SVIL: variants seen among roughly 807,000 people sequenced by gnomAD.
SVIL encodes the protein supervillin.
A neutral mutation model predicts 240.4 loss-of-function variants in SVIL; 101 were observed. That is an observed-to-expected ratio of 0.42 (90% confidence interval 0.36 to 0.50). The LOEUF (loss-of-function observed/expected upper bound fraction) is 0.50, where lower values mean the gene tolerates loss of function less well. SVIL is among the 20% of genes least tolerant of loss of function. SVIL has a pLI of 0.01. For missense variants in SVIL, 2,512 were observed against 2,818.7 expected (o/e 0.89, Z 2.46); for synonymous variants, 999 against 1,100.0 (o/e 0.91, Z 1.82).
intron 30 of SVIL, 75 bp downstream of exon 30, chr10:29,473,763 C>T (rs1945851411): frequency 1.3e-6 from 2 of 1,593,460 alleles, no homozygotes. Flanking sequence ...TGGGAGGGAC[C>T]AGGCCGAGTG....
intron 7 of SVIL, among the ~76,000 whole-genome samples, chr10:29,534,738 C>A (rs1213094561): frequency 6.6e-6 from 1 of 152,160 alleles, no homozygotes; most frequent in Non-Finnish European, 1.5e-5. Flanking sequence ...CCTTAGTAAG[C>A]CTCAGTTGCT....
At chr10:29,568,178 C>G (rs1050845283) in intron 2 of SVIL, among the ~76,000 whole-genome samples, 22 of 151,978 alleles carry the variant, frequency 1.4e-4, no homozygotes, top group African/African-American at 5.1e-4. Flanking sequence ...CATCATTGCT[C>G]TAATTAACCT....
chr10:29,637,917 T>C (rs569851156), upstream of SVIL, among the ~76,000 whole-genome samples: 2 of 152,228 alleles, frequency 1.3e-5, no homozygotes, highest in African/African-American at 4.8e-5. Flanking sequence ...GATGACAACA[T>C]TATAGAAATG....
chr10:29,719,178 T>C (rs1311713892), intron 1 of SVIL, among the ~76,000 whole-genome samples: 1 of 152,160 alleles, frequency 6.6e-6, no homozygotes, highest in Non-Finnish European at 1.5e-5. Context: ...AGATGTTGCT[T>C]AACCCATTTA....
intron 2 of SVIL, among the ~76,000 whole-genome samples, chr10:29,685,584 A>G (rs933249769): frequency 6.6e-6 from 1 of 152,110 alleles, no homozygotes; most frequent in Non-Finnish European, 1.5e-5. Context: ...GGCATCTGTT[A>G]TTTTCTGACT....
intron 14 of SVIL, 87 bp downstream of exon 14, chr10:29,524,385 T>C: frequency 6.4e-7 from 1 of 1,572,182 alleles, no homozygotes; most frequent in Non-Finnish European, 8.6e-7. Flanking sequence ...AGCACCTTAA[T>C]TACATCATTG....
At chr10:29,524,083 AT>A in intron 14 of SVIL, 56 bp from the exon 15 acceptor site, 1 of 1,475,744 alleles carries the variant, frequency 6.8e-7, no homozygotes, top group Non-Finnish European at 9.1e-7. Flanking sequence ...ATCTATATAA[AT>A]CCTGGTTTAT....
In SVIL at chr10:29,672,845, T is replaced by A. The variant is rs143175205; in HGVS notation, c.-301+13708A>T. On this transcript the variant is annotated intron_variant, in intron 2 of 35. Coordinates refer to the SVIL transcript ENST00000375400. The stretch of plus-strand genomic sequence containing the variant: ...TTCCTCTGGAAAAAATTCCATATCT[T>A]GTTTATTTATCTTTGTTTCTCCAGT... Among the ~76,000 whole-genome samples the A allele has an allele frequency of 7.7e-4, 117 of 152,106 alleles. 1 individual carries two copies. The highest frequency in any genetic ancestry group is 2.2e-3 in the Admixed American group (33 of 15,230).
intron 1 of SVIL, among the ~76,000 whole-genome samples, chr10:29,622,837 AC>A (rs1957715639): frequency 6.6e-6 from 1 of 152,226 alleles, no homozygotes; most frequent in Non-Finnish European, 1.5e-5. Context: ...CTCCATGCAA[AC>A]CGCTCCCTAA....
chr10:29,516,580 C>T (rs999194933), intron 16 of SVIL, among the ~76,000 whole-genome samples: 14 of 152,218 alleles, frequency 9.2e-5, no homozygotes, highest in Admixed American at 4.6e-4. Context: ...GACATAAATT[C>T]CTGCCGGTGC....
rs1451491946 is a variant in SVIL, at chr10:29,458,192, C to G, written c.*55G>C. The G allele has an allele frequency of 5.9e-6, 9 of 1,530,200 alleles. No homozygotes were observed. The highest frequency in any genetic ancestry group is 8.0e-6 in the Non-Finnish European group (9 of 1,119,770). 94.8% of individuals were successfully genotyped at this position (1,530,200 alleles called of 1,614,324 possible). ...AGTCCAAAAATATATATCCATTTCC[C>G]TGGTGCAGTGGTGTTGTTGGACGTG... On this transcript the variant is annotated 3_prime_UTR_variant, in exon 38 of 38. Transcript: ENST00000355867.
At chr10:29,647,309 T>C (rs578041871) in intron 3 of SVIL, 1 of 152,302 alleles carries the variant, frequency 6.6e-6, no homozygotes, top group African/African-American at 2.4e-5. Flanking sequence ...TTGGCTTTTT[T>C]TTCTTTTCTT....
At chr10:29,529,567 A>C (rs879414414) in intron 12 of SVIL, 138 bp downstream of exon 12, 8 of 999,406 alleles carry the variant, frequency 8.0e-6, no homozygotes, top group Admixed American at 7.8e-5. Flanking sequence ...CAGTAAACAA[A>C]ATCCCTTAGT....
chr10:29,537,187 A>C (rs1007751134), intron 6 of SVIL, among the ~76,000 whole-genome samples: 4 of 152,220 alleles, frequency 2.6e-5, no homozygotes, highest in African/African-American at 9.6e-5. Context: ...TCCTTTTAAA[A>C]TTATCACTGA....
chr10:29,677,535 T>C (rs1043782767), intron 2 of SVIL, among the ~76,000 whole-genome samples: 1 of 152,146 alleles, frequency 6.6e-6, no homozygotes, highest in Non-Finnish European at 1.5e-5. Context: ...GTAATCCTCC[T>C]GCCTCAGCCT....
chr10:29,512,226 TTACTG>T (rs1949889882), intron 17 of SVIL, among the ~76,000 whole-genome samples: 1 of 152,240 alleles, frequency 6.6e-6, no homozygotes, highest in Admixed American at 6.5e-5. Context: ...AACTTATACA[TTACTG>T]TACATTCTCA....
At chr10:29,547,865 T>G (rs1454248659) in intron 6 of SVIL, among the ~76,000 whole-genome samples, 1 of 152,228 alleles carries the variant, frequency 6.6e-6, no homozygotes, top group Non-Finnish European at 1.5e-5. Flanking sequence ...GATATTCTTT[T>G]TAAATTGGAG....
intron 1 of SVIL, among the ~76,000 whole-genome samples, chr10:29,610,928 T>A (rs1239427805): frequency 2.0e-5 from 3 of 152,322 alleles, no homozygotes; most frequent in East Asian, 3.9e-4. Context: ...TGAAGGAGGC[T>A]CTTCGCTACC....
chr10:29,694,636 T>C (rs914733408), intron 1 of SVIL, among the ~76,000 whole-genome samples: 1 of 152,132 alleles, frequency 6.6e-6, no homozygotes, highest in Non-Finnish European at 1.5e-5. Context: ...ATTTTTGTAT[T>C]TTCAGTAGAG....
Sources: allele counts gnomAD v4.1 joint callset (sites outside exome capture counted in the v4.1 genomes callset), GRCh38; gene constraint gnomAD v4.1.1; transcripts MANE v1.5; gene names NCBI Gene and HGNC (gene_info 2026-07-23, HGNC 2026-07-21).